Variants in FOCAD observed in about 807,000 individuals in gnomAD.
The protein encoded by FOCAD is KIAA1797.
A neutral mutation model predicts 225.6 loss-of-function variants in FOCAD; 198 were observed. That is an observed-to-expected ratio of 0.88 (90% confidence interval 0.78 to 0.99). FOCAD has a LOEUF of 0.99. FOCAD is among the 50% of genes least tolerant of loss of function. The probability of loss-of-function intolerance (pLI) is 0.00; values close to 1 mark genes in which losing one functional copy is unlikely to be tolerated. For synonymous variants in FOCAD, 897 were observed against 755.0 expected, an observed-to-expected ratio of 1.19 and a Z score of -3.08; for missense variants, 2,713 against 2,123.6, an observed-to-expected ratio of 1.28 and a Z score of -5.46.
At chr9:20,900,116 G>A (rs1157419683) in intron 21 of FOCAD, among the ~76,000 whole-genome samples, 1 of 151,960 alleles carries the variant, frequency 6.6e-6, no homozygotes, top group Non-Finnish European at 1.5e-5. Flanking sequence ...TTCCTTCCCT[G>A]AAATTTGCTG....
chr9:20,800,176 C>G (rs1411034433), intron 11 of FOCAD, among the ~76,000 whole-genome samples: 1 of 152,100 alleles, frequency 6.6e-6, no homozygotes, highest in Non-Finnish European at 1.5e-5. Flanking sequence ...AATATTGGCT[C>G]CCACTCTCTT....
chr9:20,726,332 C>T (rs1028830547), intron 4 of FOCAD: 1 of 152,092 alleles, frequency 6.6e-6, no homozygotes, highest in African/African-American at 2.4e-5. Flanking sequence ...AAAAATCTTG[C>T]TCTCCTGCGG....
intron 4 of FOCAD, among the ~76,000 whole-genome samples, chr9:20,723,434 G>C (rs2131563712): frequency 6.6e-6 from 1 of 152,356 alleles, no homozygotes. Flanking sequence ...CTTGCAGCGA[G>C]CTGAAGCTGA....
chr9:20,960,799 T>C (rs1049634049), intron 35 of FOCAD, among the ~76,000 whole-genome samples: 1 of 147,566 alleles, frequency 6.8e-6, no homozygotes, highest in Admixed American at 6.8e-5. Context: ...TGTGTCCAAG[T>C]GTTCTCATTA....
chr9:20,753,912 C>G (rs933401180), intron 5 of FOCAD, among the ~76,000 whole-genome samples: 8 of 152,052 alleles, frequency 5.3e-5, no homozygotes, highest in African/African-American at 1.5e-4. Flanking sequence ...ATCAGCCCAT[C>G]TATCCTTTTG....
intron 22 of FOCAD, among the ~76,000 whole-genome samples, chr9:20,911,539 G>A (rs1371767746): frequency 6.6e-6 from 1 of 152,122 alleles, no homozygotes; most frequent in Admixed American, 6.6e-5. Flanking sequence ...ATGAAAGACG[G>A]TTTTGTAAGA....
At chr9:20,725,484 G>A (rs1484320005) in intron 4 of FOCAD, among the ~76,000 whole-genome samples, 1 of 152,194 alleles carries the variant, frequency 6.6e-6, no homozygotes, top group Non-Finnish European at 1.5e-5. Flanking sequence ...GCCTTCTATA[G>A]AATAGATGTT....
chr9:20,890,452 T>C (rs1025384527), intron 21 of FOCAD, among the ~76,000 whole-genome samples: 4 of 152,036 alleles, frequency 2.6e-5, no homozygotes, highest in African/African-American at 9.7e-5. Flanking sequence ...TTCAACGCTT[T>C]TAAAATTTGT....
At position 20,789,505 on chromosome 9, in the gene FOCAD, C is replaced by A. The variant is rs372077661; in HGVS notation, c.1352C>A (p.Pro451His). The A allele has an allele frequency of 6.2e-7, 1 of 1,613,982 alleles. No homozygotes were observed. Among genetic ancestry groups the A allele is most frequent in the East Asian group, 2.2e-5 (1 of 44,860 alleles). ...CCTATTACTGCTGTGATCCCTGCGC[C>A]TGCCTTTCTTCTGCTGGCTCACCTC... Reference protein sequence around the residue: ...LLPITAVIPAPAFLLLAHLLV... With the variant: ...LLPITAVIPAHAFLLLAHLLV... Residue 451 changes from proline to histidine, a missense_variant, in exon 11 of 44, where the codon CCT (proline) becomes CAT (histidine). Physicochemically the swap from Pro to His is moderately conservative, Grantham distance 77 (BLOSUM62 -2). Transcript: ENST00000338382.
chr9:20,866,917 T>TTTAA lies in FOCAD; in HGVS notation c.2107-12_2107-11insTTAA. 13 of 764,954 alleles carry TTTAA rather than the reference T, an allele frequency of 1.7e-5. No homozygotes were observed. The highest frequency in any genetic ancestry group is 2.2e-5 in the Non-Finnish European group (11 of 498,452). 47.4% of individuals were successfully genotyped at this position (764,954 alleles called of 1,614,324 possible). A position where few individuals can be genotyped will look rare whatever the true frequency, so the allele number is the denominator to read the frequency against. ...TTTTTTTTTTTTTTTTTTTTTTTTT[T>TTTAA]ACCCTATCTAGGACCCAATTGTAGC... On this transcript the variant is annotated splice_polypyrimidine_tract_variant and intron_variant, in intron 17 of 43. Transcript: ENST00000338382.
At chr9:20,843,840 T>G (rs1183347432) in intron 15 of FOCAD, among the ~76,000 whole-genome samples, 1 of 152,154 alleles carries the variant, frequency 6.6e-6, no homozygotes, top group Non-Finnish European at 1.5e-5. Context: ...GATTGAAGAA[T>G]AGTGGCTTAG....
intron 1 of FOCAD, among the ~76,000 whole-genome samples, chr9:20,694,214 C>A (rs1191695854): frequency 6.6e-6 from 1 of 152,194 alleles, no homozygotes; most frequent in Non-Finnish European, 1.5e-5. Context: ...AAGGAATAGT[C>A]TAGGGCAGAA....
intron 37 of FOCAD, among the ~76,000 whole-genome samples, chr9:20,980,141 A>G (rs988181400): frequency 1.3e-5 from 2 of 151,328 alleles, no homozygotes; most frequent in African/African-American, 4.8e-5. Flanking sequence ...TTATATATAA[A>G]TTTCATATAA....
At chr9:20,920,729 C>A (rs1482112407) in intron 24 of FOCAD, among the ~76,000 whole-genome samples, 1 of 151,652 alleles carries the variant, frequency 6.6e-6, no homozygotes, top group Non-Finnish European at 1.5e-5. Flanking sequence ...AACTGAACAC[C>A]GCATGTTCTT....
chr9:20,665,897 T>TTA (rs960119236), intron 2 of FOCAD, among the ~76,000 whole-genome samples: 24 of 151,124 alleles, frequency 1.6e-4, no homozygotes, highest in Middle Eastern at 3.4e-3. Flanking sequence ...TATTTTATAA[T>TTA]TATATATATA....
intron 9 of FOCAD, among the ~76,000 whole-genome samples, chr9:20,781,470 T>C (rs1012188369): frequency 2.7e-5 from 4 of 149,616 alleles, no homozygotes; most frequent in African/African-American, 9.8e-5. Flanking sequence ...TTGAATTGTA[T>C]TTTTTAAAAA....
At chr9:20,905,308 G>A (rs1012322037) in intron 21 of FOCAD, among the ~76,000 whole-genome samples, 2 of 151,868 alleles carry the variant, frequency 1.3e-5, no homozygotes, top group African/African-American at 2.4e-5. Context: ...TGGCATGAAT[G>A]TTTTCATGTT....
intron 4 of FOCAD, among the ~76,000 whole-genome samples, chr9:20,735,633 A>G (rs1827092556): frequency 6.6e-6 from 1 of 151,612 alleles, no homozygotes; most frequent in East Asian, 1.9e-4. Flanking sequence ...CTCCTGCCTC[A>G]GCCTCCTGAG....
In FOCAD at chr9:20,988,418, G is replaced by A. The variant is rs202009690; in HGVS notation, c.4993G>A (p.Ala1665Thr). ...CCAGTCAACATCCTTTCACAATACG[G>A]CTCTTGACAAGGTAAAATCTAGAGG... ...AYQSTSFHNT[A>T]LDKALDFFLL... The change falls in exon 41 of 44, where the codon GCT (alanine) becomes ACT (threonine). Residue 1665 changes from alanine to threonine, a missense_variant. Ala to Thr is a moderately conservative substitution (Grantham distance 58). Transcript: ENST00000338382. The A allele has an allele frequency of 3.1e-6, 5 of 1,594,044 alleles. No homozygotes were observed. In the African/African-American group the frequency reaches 5.4e-5, roughly 17 times the overall value.
Sources: allele counts gnomAD v4.1 joint callset (sites outside exome capture counted in the v4.1 genomes callset), GRCh38; gene constraint gnomAD v4.1.1; transcripts MANE v1.5; gene names NCBI Gene and HGNC (gene_info 2026-07-23, HGNC 2026-07-21).